ABCC1: variants seen among roughly 807,000 people sequenced by gnomAD.
ABCC1 encodes the protein ATP binding cassette subfamily C member 1 (ABCC1 blood group), also known as multidrug resistance-associated protein 1.
A neutral mutation model predicts 172.9 loss-of-function variants in ABCC1; 83 were observed. The observed-to-expected ratio is 0.48, with a 90% CI of 0.40 to 0.58. The LOEUF is 0.58. Among genes scored for constraint, ABCC1 ranks in the 20% least tolerant of loss-of-function variants. The pLI, the probability that ABCC1 is intolerant of heterozygous loss-of-function variation, is 0.00. For missense variants in ABCC1, 1,817 were observed against 2,002.7 expected (o/e 0.91, Z 1.77); for synonymous variants, 937 against 825.2 (o/e 1.14, Z -2.32).
At position 16,094,345 on chromosome 16, in the gene ABCC1, G is replaced by A. The variant is rs375873013; in HGVS notation, c.2644+3757G>A. 6.3e-5 allele frequency: 16 copies of A among 252,922 alleles called. No individual in the cohort carries two copies. In the East Asian group the frequency reaches 9.6e-4, roughly 15 times the overall value. 15.7% of individuals were successfully genotyped at this position (252,922 alleles called of 1,614,324 possible). ...AGAAATTCAGTGCTCTTTTTGGGCC[G>A]CCGACCTTGTGGCCAGCCCCACTTC... is the stretch of plus-strand genomic sequence containing the variant. On this transcript the variant is annotated intron_variant, in intron 19 of 30. Transcript: ENST00000399410.
chr16:16,073,796 T>G (rs2050446070), intron 14 of ABCC1, among the ~76,000 whole-genome samples: 1 of 152,168 alleles, frequency 6.6e-6, no homozygotes, highest in African/African-American at 2.4e-5. Context: ...GTTAACTAAC[T>G]TGCCTGTGGC....
At chr16:16,089,449 G>C (rs1207456564) in intron 18 of ABCC1, among the ~76,000 whole-genome samples, 1 of 152,044 alleles carries the variant, frequency 6.6e-6, no homozygotes, top group African/African-American at 2.4e-5. Flanking sequence ...TTGGGAGGCT[G>C]AGGCAGGAGA....
Position 16,045,243 on chromosome 16 carries a change from C to A in ABCC1, c.1040+563C>A, listed in dbSNP as rs1008913660. The stretch of plus-strand genomic sequence containing the variant: ...ATGGTAAAACCATCTGCTAAAAATA[C>A]AAAAATTAGCCGGGCGTGGTGGTGC... On this transcript the variant is annotated intron_variant, in intron 8 of 30. Transcript: ENST00000399410. 3.3e-5 allele frequency among the ~76,000 whole-genome samples: 5 copies of A among 151,742 alleles called. No individual in the cohort carries two copies. The East Asian group carries it at 7.8e-4, about 24-fold the overall frequency.
chr16:15,964,988 C>T (rs2046212943), intron 1 of ABCC1, among the ~76,000 whole-genome samples: 1 of 152,066 alleles, frequency 6.6e-6, no homozygotes, highest in African/African-American at 2.4e-5. Context: ...TGGGACCTTT[C>T]CTCTTTGTCC....
At position 16,138,346 on chromosome 16, in the gene ABCC1, T is replaced by G; in HGVS notation, c.4293-18T>G. ...GTTTGACCCAACACTATCTCCTGGT[T>G]TTTTTCTTCCGGTCAAGTGTCGGGC... On this transcript the variant is annotated intron_variant, in intron 29 of 30. Transcript: ENST00000399410. 1 of 1,508,348 alleles carries G rather than the reference T, an allele frequency of 6.6e-7. No individual in the cohort carries two copies. The highest frequency in any genetic ancestry group is 1.8e-4 in the Middle Eastern group (1 of 5,698). The allele number at this position is 1,508,348 out of a possible 1,614,324, so 93.4% of individuals were successfully genotyped here. A position where few individuals can be genotyped will look rare whatever the true frequency, so the allele number is the denominator to read the frequency against.
intron 1 of ABCC1, among the ~76,000 whole-genome samples, chr16:15,958,385 C>T (rs1455571967): frequency 1.3e-5 from 2 of 152,180 alleles, no homozygotes; most frequent in Non-Finnish European, 2.9e-5. Context: ...GCTGGGATTA[C>T]AGGCATGAGC....
chr16:16,110,863 C>T (rs189891241), intron 21 of ABCC1, among the ~76,000 whole-genome samples: 90 of 152,264 alleles, frequency 5.9e-4, no homozygotes, highest in African/African-American at 2.0e-3. Flanking sequence ...TATCTCACCA[C>T]GCGACTGGAA....
intron 1 of ABCC1, among the ~76,000 whole-genome samples, chr16:16,002,262 C>T (rs997698055): frequency 6.6e-6 from 1 of 152,100 alleles, no homozygotes; most frequent in African/African-American, 2.4e-5. Flanking sequence ...CATTATGTAA[C>T]GTATGCTTCC....
At chr16:15,993,013 C>G (rs2046920966) in intron 1 of ABCC1, among the ~76,000 whole-genome samples, 1 of 152,140 alleles carries the variant, frequency 6.6e-6, no homozygotes. Context: ...TGTCATCTGC[C>G]CAGACCGCCA....
intron 1 of ABCC1, among the ~76,000 whole-genome samples, chr16:15,974,885 C>A (rs1567281687): frequency 6.6e-6 from 1 of 152,166 alleles, no homozygotes; most frequent in Non-Finnish European, 1.5e-5. Flanking sequence ...CTCCTGGGTT[C>A]AAGTGATCCT....
intron 1 of ABCC1, among the ~76,000 whole-genome samples, chr16:15,984,142 G>A (rs1257207513): frequency 6.6e-6 from 1 of 152,204 alleles, no homozygotes; most frequent in Non-Finnish European, 1.5e-5. Context: ...CAATCAGTAG[G>A]GGCTGGGTGA....
chr16:15,959,002 T>C (rs981353905), intron 1 of ABCC1, among the ~76,000 whole-genome samples: 4 of 152,188 alleles, frequency 2.6e-5, no homozygotes, highest in Admixed American at 6.5e-5. Context: ...GATGTTTCCA[T>C]ATGTTCCCTG....
At position 16,016,620 on chromosome 16, in the gene ABCC1, C is replaced by T; in HGVS notation, c.614C>T (p.Pro205Leu). ...SPLFSETIHD[P>L]NPCPESSASF... The stretch of plus-strand genomic sequence containing the variant: ...CTGTTCTCGGAAACCATCCACGACC[C>T]TGTAAGTGTGACCACAGATGAGTGT... The change falls in exon 5 of 31, where the codon CCT (proline) becomes CTT (leucine). Residue 205 changes from proline (P) to leucine (L), a missense_variant and splice_region_variant. This residue lies in a region of ABCC1 where 398 missense variants were observed against 384.2 expected (regional missense o/e 1.04). Transcript: ENST00000399410. 6.2e-7 allele frequency: 1 copy of T among 1,614,156 alleles called. No homozygotes were observed. The highest frequency in any genetic ancestry group is 8.5e-7 in the Non-Finnish European group (1 of 1,180,020).
chr16:15,979,050 C>CG (rs2046558767), intron 1 of ABCC1, among the ~76,000 whole-genome samples: 1 of 151,928 alleles, frequency 6.6e-6, no homozygotes, highest in African/African-American at 2.4e-5. Context: ...CCCAGCACTT[C>CG]GGGGGGCCCA....
intron 5 of ABCC1, among the ~76,000 whole-genome samples, chr16:16,029,026 A>G: frequency 6.6e-6 from 1 of 152,034 alleles, no homozygotes; most frequent in Non-Finnish European, 1.5e-5. Flanking sequence ...GGCACTTGGC[A>G]CTTAACAAAC....
At chr16:16,105,088 G>T (rs34692171) in intron 20 of ABCC1, among the ~76,000 whole-genome samples, 2 of 152,220 alleles carry the variant, frequency 1.3e-5, no homozygotes, top group African/African-American at 4.8e-5. Context: ...GTGCAGCGGC[G>T]GGCTGAAGGG....
chr16:16,052,340 C>T (rs2049464338), intron 10 of ABCC1, among the ~76,000 whole-genome samples: 1 of 151,978 alleles, frequency 6.6e-6, no homozygotes, highest in Admixed American at 6.6e-5. Context: ...TACCTGTAGT[C>T]CCAGCTACTT....
At chr16:15,995,966 C>T (rs906411615) in intron 1 of ABCC1, among the ~76,000 whole-genome samples, 4 of 150,380 alleles carry the variant, frequency 2.7e-5, no homozygotes, top group Non-Finnish European at 4.4e-5. Context: ...TGTACCACCA[C>T]GCCCAGCTAA....
At chr16:15,952,899 CATG>C (rs971135237) in intron 1 of ABCC1, among the ~76,000 whole-genome samples, 2 of 148,064 alleles carry the variant, frequency 1.4e-5, no homozygotes, top group Admixed American at 6.8e-5. Context: ...AAAAGCCTGG[CATG>C]GTGGTGTGGC....
Sources: allele counts gnomAD v4.1 joint callset (sites outside exome capture counted in the v4.1 genomes callset), GRCh38; gene constraint gnomAD v4.1.1; regional missense constraint gnomAD v4.1.1; transcripts MANE v1.5; gene names NCBI Gene and HGNC (gene_info 2026-07-23, HGNC 2026-07-21).